The following SIPA1L2 variants were observed in gnomAD, a reference collection of about 807,000 sequenced individuals.
SIPA1L2 encodes the protein signal-induced proliferation-associated 1-like protein 2.
Under a neutral mutation model 163.9 loss-of-function variants are expected in SIPA1L2, and 56 were observed. The observed-to-expected ratio is 0.34, with a 90% CI of 0.28 to 0.43. The LOEUF (loss-of-function observed/expected upper bound fraction) is 0.43. Among genes scored for constraint, SIPA1L2 ranks in the 20% least tolerant of loss-of-function variants. The pLI, the probability that SIPA1L2 is intolerant of heterozygous loss-of-function variation, is 1.00. For synonymous variants in SIPA1L2, 877 were observed against 865.7 expected (o/e 1.01, Z -0.23); for missense variants, 1,974 against 2,193.5 (o/e 0.90, Z 2.00).
intron 2 of SIPA1L2, among the ~76,000 whole-genome samples, chr1:232,568,188 A>G (rs1659514139): frequency 6.6e-6 from 1 of 152,188 alleles, no homozygotes; most frequent in African/African-American, 2.4e-5. Context: ...TGGAAACCCC[A>G]ATCTAGTCAA....
intron 1 of SIPA1L2, among the ~76,000 whole-genome samples, chr1:232,598,518 G>A (rs888998024): frequency 1.3e-5 from 2 of 152,176 alleles, no homozygotes; most frequent in Non-Finnish European, 2.9e-5. Context: ...CAGTGTCTTA[G>A]CCTGTTCAAG....
intron 2 of SIPA1L2, among the ~76,000 whole-genome samples, chr1:232,532,206 T>C (rs1043557141): frequency 6.6e-6 from 1 of 152,140 alleles, no homozygotes; most frequent in African/African-American, 2.4e-5. Context: ...GACTGCTTCC[T>C]GGTGGGAGGA....
At position 232,564,149 on chromosome 1, in the gene SIPA1L2, C is replaced by CGTGT. The variant is rs560949113; in HGVS notation, c.-270+10021_-270+10024dup. 2.6e-3 allele frequency among the ~76,000 whole-genome samples: 117 copies of CGTGT among 44,612 alleles called. 27 individuals carry two copies. Among genetic ancestry groups the CGTGT allele is most frequent in the African/African-American group, 0.015 (108 of 7,020 alleles). 29.3% of individuals were successfully genotyped at this position (44,612 alleles called of 152,430 possible). On this transcript the variant is annotated intron_variant, in intron 2 of 22. Coordinates refer to ENST00000674635, the MANE Select transcript of SIPA1L2 (RefSeq NM_020808.5). Reference sequence around the variant, plus strand: ...GACGAAGGTTGTTTTTTTTTTTTTTCGTGTGTGTGTGTGTGTGTGTGTGTG... The same window carrying CGTGT: ...GACGAAGGTTGTTTTTTTTTTTTTTCGTGTGTGTGTGTGTGTGTGTGTGTGTGTG...
intron 3 of SIPA1L2, among the ~76,000 whole-genome samples, chr1:232,513,077 G>C (rs549521823): frequency 6.6e-6 from 1 of 152,298 alleles, no homozygotes; most frequent in South Asian, 2.1e-4. Flanking sequence ...GTGGTGAGAG[G>C]TGCCGGAGTG....
intron 8 of SIPA1L2, among the ~76,000 whole-genome samples, chr1:232,470,005 C>T (rs1664721481): frequency 6.6e-6 from 1 of 151,974 alleles, no homozygotes; most frequent in African/African-American, 2.4e-5. Context: ...AAAATAGCCA[C>T]CCATAAAATA....
At chr1:232,556,479 T>C (rs1658709584) in intron 2 of SIPA1L2, among the ~76,000 whole-genome samples, 1 of 152,204 alleles carries the variant, frequency 6.6e-6, no homozygotes, top group Non-Finnish European at 1.5e-5. Flanking sequence ...GCTCTGATGC[T>C]GCACAGACAA....
intron 1 of SIPA1L2, among the ~76,000 whole-genome samples, chr1:232,612,436 G>A (rs1355945599): frequency 6.6e-6 from 1 of 152,212 alleles, no homozygotes; most frequent in Admixed American, 6.5e-5. Context: ...AGCTGGGAGG[G>A]AGGCTGTACC....
At chr1:232,544,966 C>A (rs1442739457) in intron 2 of SIPA1L2, among the ~76,000 whole-genome samples, 1 of 152,156 alleles carries the variant, frequency 6.6e-6, no homozygotes, top group African/African-American at 2.4e-5. Flanking sequence ...GAATTATACA[C>A]CTGTAAACGG....
chr1:232,432,392 C>G lies in SIPA1L2; in HGVS notation c.4111G>C (p.Val1371Leu). ...ACCTGTTGTCCGCTGCTGTGAGACA[C>G]GATGTAGACTTTGGATGAATCCAGA... ...GSLDSSKVYI[V>L]SHSSGQQVPG... Residue 1371 changes from valine to leucine, a missense_variant, in exon 16 of 23, where the codon GTG becomes CTG. By Grantham distance (32) the Val-to-Leu change is conservative. Coordinates refer to ENST00000674635, the MANE Select transcript of SIPA1L2 (RefSeq NM_020808.5). 6.2e-7 allele frequency: 1 copy of G among 1,614,184 alleles called. No homozygotes were observed. Among genetic ancestry groups the G allele is most frequent in the South Asian group, 1.1e-5 (1 of 91,084 alleles).
intron 2 of SIPA1L2, among the ~76,000 whole-genome samples, chr1:232,559,611 T>A (rs1658916252): frequency 6.6e-6 from 1 of 152,198 alleles, no homozygotes; most frequent in Non-Finnish European, 1.5e-5. Flanking sequence ...CAAACATACA[T>A]ACACAGACAT....
Position 232,399,179 on chromosome 1 carries a change from T to G in SIPA1L2, c.5117A>C (p.Gln1706Pro). Residue 1706 changes from glutamine to proline, a missense_variant, in exon 23 of 23, where the codon CAG becomes CCG. Coordinates refer to ENST00000674635, the MANE Select transcript of SIPA1L2 (RefSeq NM_020808.5). ...AAACCATTCTGTGAATTTCCGCAGC[T>G]GAGCTGTCGCGGTCTGGGACTCCTC... Reference protein sequence around the residue: ...LQEESQTATAQLRKFTEWFFT... With the variant: ...LQEESQTATAPLRKFTEWFFT... 1 of 1,614,028 alleles carries G rather than the reference T, an allele frequency of 6.2e-7. No individual in the cohort carries two copies. Among genetic ancestry groups the G allele is most frequent in the Non-Finnish European group, 8.5e-7 (1 of 1,180,012 alleles).
chr1:232,587,834 T>C (rs1660751853), intron 1 of SIPA1L2, among the ~76,000 whole-genome samples: 1 of 152,144 alleles, frequency 6.6e-6, no homozygotes, highest in African/African-American at 2.4e-5. Context: ...CTTGTGGCAG[T>C]GAATAAGTCT....
At chr1:232,630,293 A>C (rs1208364383), upstream of SIPA1L2, among the ~76,000 whole-genome samples, 1 of 151,654 alleles carries the variant, frequency 6.6e-6, no homozygotes, top group Non-Finnish European at 1.5e-5. Flanking sequence ...CTCCGGGCGC[A>C]GCCGGTGCGC....
At chr1:232,480,895 C>T (rs1041959535) in intron 6 of SIPA1L2, among the ~76,000 whole-genome samples, 1 of 152,044 alleles carries the variant, frequency 6.6e-6, no homozygotes, top group African/African-American at 2.4e-5. Flanking sequence ...TCTTTCTGAA[C>T]CCTGTAGTAT....
chr1:232,439,099 G>A lies in SIPA1L2; in HGVS notation c.4031+9C>T. 6.3e-7 allele frequency: 1 copy of A among 1,591,660 alleles called. No individual in the cohort carries two copies. Among genetic ancestry groups the A allele is most frequent in the South Asian group, 1.1e-5 (1 of 87,952 alleles). ...AGCAGGTACTACTCTGCAGTGCTGT[G>A]GGGCTTACCTGGAATGAGAGGATAT... On this transcript the variant is annotated intron_variant, in intron 15 of 22. Coordinates refer to ENST00000674635, the MANE Select transcript of SIPA1L2 (RefSeq NM_020808.5).
intron 2 of SIPA1L2, among the ~76,000 whole-genome samples, chr1:232,560,633 AGGCCCAGAGG>A (rs1356266050): frequency 6.6e-6 from 1 of 152,216 alleles, no homozygotes; most frequent in Non-Finnish European, 1.5e-5. Flanking sequence ...TGTGGGAGGC[AGGCCCAGAGG>A]CCTCAGCCTT....
chr1:232,567,716 T>C (rs900668443), intron 2 of SIPA1L2, among the ~76,000 whole-genome samples: 1 of 152,174 alleles, frequency 6.6e-6, no homozygotes, highest in African/African-American at 2.4e-5. Flanking sequence ...ACTTAAAATT[T>C]CCAGTGACAT....
intron 1 of SIPA1L2, among the ~76,000 whole-genome samples, chr1:232,581,833 T>C (rs961323907): frequency 1.3e-5 from 2 of 152,146 alleles, no homozygotes; most frequent in African/African-American, 4.8e-5. Context: ...AACAGCATCC[T>C]TTGCGCCTAA....
At chr1:232,609,549 G>A (rs10797584) in intron 1 of SIPA1L2, among the ~76,000 whole-genome samples, 1 of 151,968 alleles carries the variant, frequency 6.6e-6, no homozygotes, top group Non-Finnish European at 1.5e-5. Flanking sequence ...CGAAGCAAGC[G>A]GCTGGGCATA....
Sources: allele counts gnomAD v4.1 joint callset (sites outside exome capture counted in the v4.1 genomes callset), GRCh38; gene constraint gnomAD v4.1.1; transcripts MANE v1.5; gene names NCBI Gene and HGNC (gene_info 2026-07-23, HGNC 2026-07-21).